The following ITGAV variants were observed in gnomAD, a reference collection of about 807,000 sequenced individuals.
The protein encoded by ITGAV is integrin alpha-V.
ITGAV carries 76 observed loss-of-function variants against 143.8 expected under a neutral mutation model. The ratio of observed to expected loss-of-function variants is 0.53; its 90% CI spans 0.44 to 0.64. The LOEUF (loss-of-function observed/expected upper bound fraction) is 0.64, where lower values mean the gene tolerates loss of function less well. Ranked by LOEUF, ITGAV falls within the 30% of genes least tolerant of loss-of-function variation. The pLI, the probability that ITGAV is intolerant of heterozygous loss-of-function variation, is 0.00. For missense variants in ITGAV, 1,193 were observed against 1,274.7 expected (o/e 0.94, Z 0.98); for synonymous variants, 453 against 446.7 (o/e 1.01, Z -0.18).
At chr2:186,668,980 C>A in intron 25 of ITGAV, 60 bp downstream of exon 25, 1 of 1,380,280 alleles carries the variant, frequency 7.2e-7, no homozygotes, top group Non-Finnish European at 9.9e-7. Context: ...CTTTCTAAAC[C>A]TGTAAAAGAA....
At chr2:186,646,994 A>G in intron 13 of ITGAV, 117 bp downstream of exon 13, 1 of 713,128 alleles carries the variant, frequency 1.4e-6, no homozygotes, top group Non-Finnish European at 2.2e-6. Flanking sequence ...TCATATGTTG[A>G]TCAAACCTCT....
chr2:186,656,191 G>A, intron 16 of ITGAV, 56 bp from the exon 17 acceptor site: 2 of 1,327,904 alleles, frequency 1.5e-6, no homozygotes, highest in Non-Finnish European at 2.1e-6. Flanking sequence ...CTCTAGAGTA[G>A]GATAGATAGA....
intron 6 of ITGAV, among the ~76,000 whole-genome samples, chr2:186,634,090 A>G (rs1687891114): frequency 6.6e-6 from 1 of 152,192 alleles, no homozygotes; most frequent in African/African-American, 2.4e-5. Flanking sequence ...AAAATATTAA[A>G]CTGGCATTGA....
chr2:186,636,162 T>A lies in ITGAV; in HGVS notation c.712T>A (p.Leu238Ile). Reference sequence around the variant, plus strand: ...TTACAGCATCAAGTATAATAACCAATTAGCAACTCGGACTGCACAAGCTAT... The same window carrying A: ...TTACAGCATCAAGTATAATAACCAAATAGCAACTCGGACTGCACAAGCTAT... ...NVYSIKYNNQ[L>I]ATRTAQAIFD... The change falls in exon 7 of 30, where the codon TTA (leucine) becomes ATA (isoleucine). Residue 238 changes from leucine (L) to isoleucine (I), a missense_variant. Coordinates refer to ENST00000261023, the MANE Select transcript of ITGAV (RefSeq NM_002210.5). 6.2e-7 allele frequency: 1 copy of A among 1,613,066 alleles called. No individual in the cohort carries two copies. The highest frequency in any genetic ancestry group is 8.5e-7 in the Non-Finnish European group (1 of 1,179,546).
At chr2:186,676,271 G>C in intron 28 of ITGAV, 1 of 202,778 alleles carries the variant, frequency 4.9e-6, no homozygotes, top group Non-Finnish European at 9.9e-6. Flanking sequence ...GAGTAAAAAT[G>C]GGATCAGCAC....
At chr2:186,627,530 C>T (rs562141810) in intron 4 of ITGAV, among the ~76,000 whole-genome samples, 2 of 152,242 alleles carry the variant, frequency 1.3e-5, no homozygotes, top group South Asian at 4.1e-4. Context: ...TCACAGAATG[C>T]TTTTATTTGG....
chr2:186,611,977 T>A (rs1687229321), intron 2 of ITGAV, among the ~76,000 whole-genome samples: 1 of 152,212 alleles, frequency 6.6e-6, no homozygotes, highest in South Asian at 2.1e-4. Flanking sequence ...TTTTTGCCAT[T>A]ACTTTCAATG....
chr2:186,641,288 G>A, intron 11 of ITGAV, 98 bp from the exon 12 acceptor site: 3 of 880,774 alleles, frequency 3.4e-6, no homozygotes, highest in Middle Eastern at 2.2e-4. Context: ...GGGTGTGAGA[G>A]ATGCAGAAAG....
At position 186,656,311 on chromosome 2, in the gene ITGAV, T is replaced by C. The variant is rs1431615790; in HGVS notation, c.1629T>C (p.Phe543=). 4 of 1,586,892 alleles carry C rather than the reference T, an allele frequency of 2.5e-6. No individual in the cohort carries two copies. In the African/African-American group the frequency reaches 5.5e-5, roughly 22 times the overall value. Residue 543 remains phenylalanine (F), a synonymous_variant, in exon 17 of 30, where the codon TTT becomes TTC. Coordinates refer to ENST00000261023, the MANE Select transcript of ITGAV (RefSeq NM_002210.5). ...KQKGAIRRAL[F]LYSRSPSHSK... ...AGGGAGCAATTCGACGAGCACTGTT[T>C]CTCTACAGCAGGTCCCCAAGTCACT...
At chr2:186,619,060 T>A (rs1471458977) in intron 2 of ITGAV, among the ~76,000 whole-genome samples, 1 of 146,984 alleles carries the variant, frequency 6.8e-6, no homozygotes, top group East Asian at 1.9e-4. Flanking sequence ...TATGTATGTA[T>A]GTGTATATAT....
chr2:186,666,453 A>G (rs1226956210), intron 21 of ITGAV, among the ~76,000 whole-genome samples: 1 of 152,188 alleles, frequency 6.6e-6, no homozygotes, highest in Non-Finnish European at 1.5e-5. Flanking sequence ...CTTTTTAGAA[A>G]GATGGTTAGT....
intron 2 of ITGAV, among the ~76,000 whole-genome samples, chr2:186,617,376 G>A (rs1292832042): frequency 6.6e-6 from 1 of 152,138 alleles, no homozygotes; most frequent in Non-Finnish European, 1.5e-5. Flanking sequence ...TGGAAACACC[G>A]GGGAAAAGAG....
chr2:186,628,831 A>G (rs1019545021), intron 4 of ITGAV, among the ~76,000 whole-genome samples: 2 of 152,044 alleles, frequency 1.3e-5, no homozygotes, highest in African/African-American at 4.8e-5. Context: ...TACTCAGGGA[A>G]TGATAAAGAT....
chr2:186,613,237 G>A (rs1329256212), intron 2 of ITGAV, among the ~76,000 whole-genome samples: 2 of 151,390 alleles, frequency 1.3e-5, no homozygotes, highest in Non-Finnish European at 2.9e-5. Flanking sequence ...ATGGCTAGAA[G>A]GAAACAAACC....
At chr2:186,623,573 G>C (rs1687592594) in intron 3 of ITGAV, among the ~76,000 whole-genome samples, 2 of 152,010 alleles carry the variant, frequency 1.3e-5, no homozygotes, top group Admixed American at 1.3e-4. Context: ...ATGGCTGTAA[G>C]TATAATCCCC....
intron 1 of ITGAV, among the ~76,000 whole-genome samples, chr2:186,597,172 T>C (rs1253736118): frequency 2.0e-5 from 3 of 152,184 alleles, no homozygotes; most frequent in Admixed American, 1.3e-4. Context: ...GTGCTGCCAA[T>C]AGAGTGGTGT....
intron 8 of ITGAV, among the ~76,000 whole-genome samples, chr2:186,638,054 T>G (rs527828995): frequency 2.8e-4 from 43 of 152,222 alleles, no homozygotes; most frequent in Non-Finnish European, 4.7e-4. Flanking sequence ...TGAGGGCTTA[T>G]TTGCATATGT....
intron 1 of ITGAV, among the ~76,000 whole-genome samples, chr2:186,600,631 C>T (rs1227823822): frequency 2.0e-5 from 3 of 149,040 alleles, no homozygotes; most frequent in African/African-American, 7.4e-5. Flanking sequence ...TAGTTTCTTG[C>T]CTCTAAGGGA....
intron 1 of ITGAV, among the ~76,000 whole-genome samples, chr2:186,594,930 ATTAC>A (rs1201124318): frequency 6.6e-6 from 1 of 152,202 alleles, no homozygotes; most frequent in Non-Finnish European, 1.5e-5. Context: ...CAAATCCTAT[ATTAC>A]TTCTGATTAA....
Sources: gnomAD v4.1 joint callset for allele counts (sites outside exome capture counted in the v4.1 genomes callset) on GRCh38, gnomAD v4.1.1 for gene constraint, MANE v1.5 for transcripts, NCBI Gene and HGNC (gene_info 2026-07-23, HGNC 2026-07-21) for gene names.